The following ULK4 variants were observed in gnomAD, a reference collection of about 807,000 sequenced individuals.
ULK4 encodes the protein unc-51 like kinase 4.
A neutral mutation model predicts 160.6 loss-of-function variants in ULK4; 133 were observed. The ratio of observed to expected loss-of-function variants is 0.83; its 90% CI spans 0.72 to 0.96. The LOEUF (loss-of-function observed/expected upper bound fraction) is 0.96, where lower values mean the gene tolerates loss of function less well. ULK4 is among the 40% of genes least tolerant of loss of function. ULK4 has a pLI of 0.00. For synonymous variants in ULK4, 534 were observed against 539.8 expected (o/e 0.99, Z 0.15); for missense variants, 1,580 against 1,499.5 (o/e 1.05, Z -0.89).
At chr3:41,704,363 T>C (rs2036791953) in intron 27 of ULK4, among the ~76,000 whole-genome samples, 1 of 152,196 alleles carries the variant, frequency 6.6e-6, no homozygotes, top group Non-Finnish European at 1.5e-5. Flanking sequence ...TGGAACCATG[T>C]GTCTGCTCCA....
rs186948564 is a variant in ULK4, at chr3:41,255,632, G to A, written c.3679-6058C>T. ...ATAATCGTAACTAGAGGTAAGGAGG[G>A]ACATTTCATATTTATAAGAAAATAA... On this transcript the variant is annotated intron_variant, in intron 35 of 36. Transcript: ENST00000301831. Among the ~76,000 whole-genome samples the A allele has an allele frequency of 1.7e-3, 124 of 74,544 alleles. 1 individual carries two copies. The highest frequency in any genetic ancestry group is 3.5e-3 in the African/African-American group (120 of 34,080). 48.9% of individuals were successfully genotyped at this position (74,544 alleles called of 152,430 possible).
intron 35 of ULK4, among the ~76,000 whole-genome samples, chr3:41,293,311 G>A (rs531850029): frequency 6.6e-6 from 1 of 152,230 alleles, no homozygotes; most frequent in South Asian, 2.1e-4. Flanking sequence ...AACAAAGCTG[G>A]CAGGATTCCA....
chr3:41,557,687 G>A (rs2087349965), intron 32 of ULK4, among the ~76,000 whole-genome samples: 1 of 151,758 alleles, frequency 6.6e-6, no homozygotes, highest in Admixed American at 6.6e-5. Context: ...ATCACTTAAA[G>A]CCAGGAATTC....
intron 35 of ULK4, among the ~76,000 whole-genome samples, chr3:41,397,774 G>T (rs1559569522): frequency 6.6e-6 from 1 of 152,090 alleles, no homozygotes; most frequent in Non-Finnish European, 1.5e-5. Context: ...TCCTGATTTT[G>T]ATTACTTAAG....
chr3:41,428,723 AAAAAT>A (rs2082835160), intron 34 of ULK4, among the ~76,000 whole-genome samples: 1 of 152,192 alleles, frequency 6.6e-6, no homozygotes, highest in Admixed American at 6.5e-5. Flanking sequence ...TCATATGGAA[AAAAAT>A]TGAAACTGGA....
At chr3:41,496,701 G>A (rs2085003947) in intron 32 of ULK4, among the ~76,000 whole-genome samples, 1 of 152,156 alleles carries the variant, frequency 6.6e-6, no homozygotes, top group Admixed American at 6.5e-5. Context: ...CCACCTGCAA[G>A]CTGTTGAGTT....
chr3:41,420,814 TA>T (rs540329844), intron 34 of ULK4, among the ~76,000 whole-genome samples: 3,094 of 135,062 alleles, frequency 0.023, 75 homozygotes, highest in African/African-American at 0.064. Flanking sequence ...TCAGTATTAT[TA>T]AAAAAAAAAA....
chr3:41,956,078 ATTCCC>A (rs1700473894), intron 1 of ULK4, among the ~76,000 whole-genome samples: 1 of 152,218 alleles, frequency 6.6e-6, no homozygotes, highest in Non-Finnish European at 1.5e-5. Context: ...ACCAGAGGCT[ATTCCC>A]TTTGCAAATC....
chr3:41,539,597 A>T (rs532280383), intron 32 of ULK4, among the ~76,000 whole-genome samples: 18 of 152,310 alleles, frequency 1.2e-4, no homozygotes, highest in African/African-American at 4.1e-4. Context: ...TAGGAAAAAA[A>T]TTAAATTATG....
chr3:41,249,344 T>C, intron 36 of ULK4, 145 bp downstream of exon 36: 1 of 723,570 alleles, frequency 1.4e-6, no homozygotes, highest in Non-Finnish European at 2.2e-6. Context: ...CTTCCCACAC[T>C]GGGAAGGATC....
chr3:41,909,156 G>A (rs1013761613), intron 11 of ULK4, among the ~76,000 whole-genome samples: 1 of 151,702 alleles, frequency 6.6e-6, no homozygotes, highest in Admixed American at 6.6e-5. Flanking sequence ...AGCTACTTGG[G>A]AGGCTGAGGC....
At chr3:41,455,451 C>T in intron 34 of ULK4, 46 bp downstream of exon 34, 1 of 1,524,744 alleles carries the variant, frequency 6.6e-7, no homozygotes, top group Non-Finnish European at 9.0e-7. Flanking sequence ...AATAAAATTA[C>T]TTCAACTTCA....
At chr3:41,782,931 T>C (rs1421272237) in intron 21 of ULK4, among the ~76,000 whole-genome samples, 1 of 151,692 alleles carries the variant, frequency 6.6e-6, no homozygotes, top group African/African-American at 2.4e-5. Context: ...TATTGAAGAG[T>C]TGCATAAATT....
chr3:41,798,971 C>A (rs1451812833), intron 20 of ULK4, among the ~76,000 whole-genome samples: 1 of 152,026 alleles, frequency 6.6e-6, no homozygotes, highest in Non-Finnish European at 1.5e-5. Context: ...TGAGAGAGGA[C>A]AGATGTGCAG....
intron 35 of ULK4, among the ~76,000 whole-genome samples, chr3:41,306,522 TG>T (rs1236433472): frequency 1.4e-5 from 2 of 138,328 alleles, no homozygotes; most frequent in East Asian, 2.2e-4. Context: ...GGGAGGGAGG[TG>T]GGGGGGTCAG....
Position 41,394,727 on chromosome 3 carries a change from G to A in ULK4, c.3678+3352C>T, listed in dbSNP as rs528558770. On this transcript the variant is annotated intron_variant, in intron 35 of 36. Coordinates refer to ENST00000301831, the MANE Select transcript of ULK4 (RefSeq NM_017886.4). Reference sequence around the variant, plus strand: ...CTGTATTCCATTTAATTAGAACTGAGCTTCAGGATGGGCAAGTTCAAGACC... The same window carrying A: ...CTGTATTCCATTTAATTAGAACTGAACTTCAGGATGGGCAAGTTCAAGACC... Among the ~76,000 whole-genome samples the A allele has an allele frequency of 8.1e-4, 123 of 152,218 alleles. 2 individuals are homozygous for A. The Middle Eastern group carries it at 0.014, about 17-fold the overall frequency.
At chr3:41,290,870 C>A (rs2079546902) in intron 35 of ULK4, among the ~76,000 whole-genome samples, 1 of 152,160 alleles carries the variant, frequency 6.6e-6, no homozygotes, top group Admixed American at 6.5e-5. Flanking sequence ...CCAGGAGGTT[C>A]CATTACATTC....
chr3:41,879,176 C>A (rs1697419382), intron 17 of ULK4, among the ~76,000 whole-genome samples: 1 of 152,136 alleles, frequency 6.6e-6, no homozygotes, highest in Admixed American at 6.5e-5. Context: ...ATGTATGAAA[C>A]CACCAAGAAA....
intron 20 of ULK4, among the ~76,000 whole-genome samples, chr3:41,790,607 AG>A (rs1232108864): frequency 6.6e-6 from 1 of 152,250 alleles, no homozygotes; most frequent in African/African-American, 2.4e-5. Context: ...AAGTGAGTTA[AG>A]AAAAGATTCA....
Sources: allele counts gnomAD v4.1 joint callset (sites outside exome capture counted in the v4.1 genomes callset), GRCh38; gene constraint gnomAD v4.1.1; transcripts MANE v1.5; gene names NCBI Gene and HGNC (gene_info 2026-07-23, HGNC 2026-07-21).